Variants in CCDC93 observed in about 807,000 individuals in gnomAD.
CCDC93 encodes the protein coiled-coil domain-containing protein 93.
In CCDC93, 61 loss-of-function variants were observed where a neutral mutation model predicts 108.2. The ratio of observed to expected loss-of-function variants is 0.56; its 90% CI spans 0.46 to 0.70. CCDC93 has a LOEUF of 0.70. Ranked by LOEUF, CCDC93 falls within the 30% of genes least tolerant of loss-of-function variation. The probability of loss-of-function intolerance (pLI) is 0.00; values close to 1 mark genes in which losing one functional copy is unlikely to be tolerated. For missense variants in CCDC93, 685 were observed against 764.2 expected, an observed-to-expected ratio of 0.90 and a Z score of 1.22; for synonymous variants, 276 against 260.4, an observed-to-expected ratio of 1.06 and a Z score of -0.58.
intron 9 of CCDC93, 106 bp downstream of exon 9, chr2:117,975,082 C>G (rs572562404): frequency 9.2e-7 from 1 of 1,082,680 alleles, no homozygotes; most frequent in South Asian, 1.4e-5. Context: ...CTCACAGCAG[C>G]TGGCTGTGGG....
At chr2:117,957,236 A>C (rs1207181143) in intron 12 of CCDC93, among the ~76,000 whole-genome samples, 1 of 152,144 alleles carries the variant, frequency 6.6e-6, no homozygotes, top group African/African-American at 2.4e-5. Flanking sequence ...CTTCTAATCT[A>C]ATCTATTGCT....
At chr2:117,991,397 C>A (rs1470169240) in intron 6 of CCDC93, among the ~76,000 whole-genome samples, 1 of 152,110 alleles carries the variant, frequency 6.6e-6, no homozygotes, top group African/African-American at 2.4e-5. Flanking sequence ...AATAGTACTG[C>A]AAAACTGGTG....
intron 23 of CCDC93, among the ~76,000 whole-genome samples, chr2:117,928,765 T>C (rs984924929): frequency 6.6e-6 from 1 of 152,206 alleles, no homozygotes; most frequent in Non-Finnish European, 1.5e-5. Flanking sequence ...ACTGGGTACA[T>C]ACCCAAAGGA....
chr2:117,928,213 T>G (rs1678190817), intron 23 of CCDC93, among the ~76,000 whole-genome samples: 1 of 152,196 alleles, frequency 6.6e-6, no homozygotes, highest in African/African-American at 2.4e-5. Flanking sequence ...AAGGACTTCA[T>G]GTCTAACACA....
intron 18 of CCDC93, among the ~76,000 whole-genome samples, 185 bp from the exon 19 acceptor site, chr2:117,941,482 T>C (rs1472159190): frequency 6.6e-6 from 1 of 152,070 alleles, no homozygotes; most frequent in Non-Finnish European, 1.5e-5. Flanking sequence ...CCCGCTTTCC[T>C]AGGAGTGGGA....
chr2:117,967,700 A>G (rs1290341357), intron 11 of CCDC93, among the ~76,000 whole-genome samples: 1 of 152,230 alleles, frequency 6.6e-6, no homozygotes, highest in Non-Finnish European at 1.5e-5. Flanking sequence ...GCACTGGACA[A>G]GTCACATAAT....
rs1276396683 is a variant in CCDC93 at position 117,998,902 on chromosome 2, AACAT to A, written c.363+1915_363+1918del. The A allele has an allele frequency of 3.3e-5, 5 of 152,234 alleles. No homozygotes were observed. In the South Asian group the frequency reaches 8.3e-4, roughly 25 times the overall value. 9.4% of individuals were successfully genotyped at this position (152,234 alleles called of 1,614,324 possible). ...CATAAGAAAGACAGAAAGGCTAACA[AACAT>A]ACAAATAAATTTTAAGGTAAAGTCT... On this transcript the variant is annotated intron_variant, in intron 4 of 23. Coordinates refer to ENST00000376300, the MANE Select transcript of CCDC93 (RefSeq NM_019044.5).
intron 6 of CCDC93, among the ~76,000 whole-genome samples, chr2:117,988,796 G>C (rs1680393295): frequency 6.6e-6 from 1 of 152,188 alleles, no homozygotes; most frequent in Non-Finnish European, 1.5e-5. Context: ...ATGGATGGAT[G>C]GCAATCATTT....
Position 117,917,570 on chromosome 2 carries a change from CA to C in CCDC93, c.*2772del, listed in dbSNP as rs1449467970. 1.3e-5 allele frequency: 2 copies of C among 152,352 alleles called. No homozygotes were observed. Among genetic ancestry groups the C allele is most frequent in the African/African-American group, 2.4e-5 (1 of 41,452 alleles). The allele number at this position is 152,352 out of a possible 1,614,324, so 9.4% of individuals were successfully genotyped here. ...CGGACTCTAACAGAGATATGCTTGA[CA>C]AACTGGGAATTTGCCCTCTGTTAAA... is the stretch of plus-strand genomic sequence containing the variant. On this transcript the variant is annotated 3_prime_UTR_variant, in exon 24 of 24. Coordinates refer to ENST00000376300, the MANE Select transcript of CCDC93 (RefSeq NM_019044.5).
intron 3 of CCDC93, among the ~76,000 whole-genome samples, chr2:118,002,846 G>C (rs35045141): frequency 1.2e-4 from 18 of 151,974 alleles, no homozygotes; most frequent in Non-Finnish European, 2.5e-4. Flanking sequence ...AGACCAGCCT[G>C]GGCAACATAG....
intron 23 of CCDC93, among the ~76,000 whole-genome samples, chr2:117,928,350 G>T (rs993160238): frequency 6.6e-6 from 1 of 152,074 alleles, no homozygotes; most frequent in South Asian, 2.1e-4. Context: ...GAAAATTTTT[G>T]CAATCTACTC....
At chr2:117,989,779 T>C (rs1023609318) in intron 6 of CCDC93, among the ~76,000 whole-genome samples, 1 of 152,232 alleles carries the variant, frequency 6.6e-6, no homozygotes, top group Non-Finnish European at 1.5e-5. Context: ...AGGGCTAAGA[T>C]ATATACATAT....
At chr2:117,983,630 TTATA>T (rs66879401) in intron 7 of CCDC93, among the ~76,000 whole-genome samples, 44 of 98,576 alleles carry the variant, frequency 4.5e-4, no homozygotes, top group African/African-American at 1.4e-3. Flanking sequence ...CTGCTCAAAA[TTATA>T]TATATATATA....
Position 117,931,451 on chromosome 2 carries a change from C to A in CCDC93, c.1729-301G>T, listed in dbSNP as rs117748269. On this transcript the variant is annotated intron_variant, in intron 22 of 23. Coordinates refer to ENST00000376300, the MANE Select transcript of CCDC93 (RefSeq NM_019044.5). ...GAGCTATTTTGCCCCCCATCCCCCA[C>A]CCGGCAGTGTCTGGAGACAGTTTTG... The A allele has an allele frequency of 9.9e-4, 291 of 294,312 alleles. 1 individual carries two copies. In the East Asian group the frequency reaches 0.023, roughly 23 times the overall value. The allele number at this position is 294,312 out of a possible 1,614,324, so 18.2% of individuals were successfully genotyped here.
chr2:118,014,023 A>AG lies in CCDC93; in HGVS notation c.-29dup. On this transcript the variant is annotated 5_prime_UTR_variant, in exon 1 of 24. Coordinates refer to ENST00000376300, the MANE Select transcript of CCDC93 (RefSeq NM_019044.5). ...TCCGACCGGGCTGTCGTAAGGCGAG[A>AG]GCGAAGCCCGCCAAGCGTCCGGAGG... is the stretch of plus-strand genomic sequence containing the variant. 6.3e-7 allele frequency: 1 copy of AG among 1,588,644 alleles called. No homozygotes were observed. Among genetic ancestry groups the AG allele is most frequent in the Non-Finnish European group, 8.6e-7 (1 of 1,169,014 alleles).
intron 6 of CCDC93, 91 bp from the exon 7 acceptor site, chr2:117,986,160 CTTTTTTTTTTT>C (rs763304100): frequency 7.2e-5 from 20 of 276,590 alleles, no homozygotes; most frequent in Admixed American, 1.3e-4. Context: ...GGTATATTCT[CTTTTTTTTTTT>C]TTTTTTTTTT....
At chr2:117,941,883 C>T (rs527397507) in intron 18 of CCDC93, among the ~76,000 whole-genome samples, 6 of 152,328 alleles carry the variant, frequency 3.9e-5, no homozygotes, top group East Asian at 1.9e-4. Context: ...GAGAGCAAGC[C>T]GCTCACTTGT....
At chr2:117,995,847 C>T (rs1680630780) in intron 5 of CCDC93, 2 of 187,200 alleles carry the variant, frequency 1.1e-5, no homozygotes, top group South Asian at 3.1e-4. Context: ...GAGATAAAAA[C>T]GCCCATCTCA....
chr2:118,011,208 A>AAGG (rs5833730), intron 1 of CCDC93, among the ~76,000 whole-genome samples: 1 of 152,138 alleles, frequency 6.6e-6, no homozygotes, highest in African/African-American at 2.4e-5. Flanking sequence ...CTGACAATGG[A>AAGG]AAGTTTATTT....
Sources: gnomAD v4.1 joint callset for allele counts (sites outside exome capture counted in the v4.1 genomes callset) on GRCh38, gnomAD v4.1.1 for gene constraint, MANE v1.5 for transcripts, NCBI Gene and HGNC (gene_info 2026-07-23, HGNC 2026-07-21) for gene names.